Variants in CNTNAP2 observed in about 807,000 individuals in gnomAD.
CNTNAP2 encodes contactin associated protein 2, also known as contactin-associated protein-like 2.
In CNTNAP2, 98 loss-of-function variants were observed where a neutral mutation model predicts 155.2. The ratio of observed to expected loss-of-function variants is 0.63; its 90% CI spans 0.54 to 0.75. CNTNAP2 has a LOEUF of 0.75. Among genes scored for constraint, CNTNAP2 ranks in the 30% least tolerant of loss-of-function variants. CNTNAP2 has a pLI of 0.00. For synonymous variants in CNTNAP2, 651 were observed against 631.2 expected (o/e 1.03, Z -0.47); for missense variants, 1,727 against 1,688.1 (o/e 1.02, Z -0.40).
intron 10 of CNTNAP2, among the ~76,000 whole-genome samples, chr7:147,407,820 G>T (rs2116481264): frequency 6.6e-6 from 1 of 152,292 alleles, no homozygotes; most frequent in Admixed American, 6.5e-5. Context: ...CCGCATAAAA[G>T]AAGTAGGTTG....
intron 2 of CNTNAP2, among the ~76,000 whole-genome samples, chr7:146,820,411 A>C (rs1406527528): frequency 6.6e-6 from 1 of 152,212 alleles, no homozygotes; most frequent in Non-Finnish European, 1.5e-5. Context: ...AATGGAAAAA[A>C]TAGACAAAAC....
chr7:147,301,616 G>A, intron 9 of CNTNAP2, among the ~76,000 whole-genome samples: 1 of 140,276 alleles, frequency 7.1e-6, no homozygotes, highest in South Asian at 2.4e-4. Context: ...GTGTGTGTGT[G>A]TGTGTGTGTG....
chr7:146,751,515 T>A (rs2129182581), intron 1 of CNTNAP2, among the ~76,000 whole-genome samples: 1 of 152,260 alleles, frequency 6.6e-6, no homozygotes, highest in African/African-American at 2.4e-5. Flanking sequence ...GATTCCTAAG[T>A]TTTTCCCAAG....
At position 147,900,437 on chromosome 7, in the gene CNTNAP2, G is replaced by C. The variant is rs996653575; in HGVS notation, c.2099-3128G>C. Among the ~76,000 whole-genome samples the C allele has an allele frequency of 2.0e-5, 3 of 152,044 alleles. No homozygotes were observed. In the East Asian group the frequency reaches 5.8e-4, roughly 29 times the overall value. On this transcript the variant is annotated intron_variant, in intron 13 of 23. Transcript: ENST00000361727. ...CTCTCTCCTGCCCCCATGAGAAGACGTGCCTTGCTTACCCTTCTTCGTCTG... is the reference window on the plus strand; with the variant it reads ...CTCTCTCCTGCCCCCATGAGAAGACCTGCCTTGCTTACCCTTCTTCGTCTG...
intron 17 of CNTNAP2, among the ~76,000 whole-genome samples, chr7:148,156,339 G>A (rs1805397249): frequency 6.6e-6 from 1 of 152,168 alleles, no homozygotes; most frequent in South Asian, 2.1e-4. Context: ...TCGGGGCTTT[G>A]CAGACTCTCT....
chr7:148,346,561 C>T (rs2116589961), intron 21 of CNTNAP2, among the ~76,000 whole-genome samples: 1 of 151,866 alleles, frequency 6.6e-6, no homozygotes, highest in Admixed American at 6.5e-5. Flanking sequence ...CACCTGAGGT[C>T]AGGAGTTCGA....
chr7:146,159,654 T>G (rs2116795138), intron 1 of CNTNAP2, among the ~76,000 whole-genome samples: 1 of 152,288 alleles, frequency 6.6e-6, no homozygotes, highest in Admixed American at 6.5e-5. Flanking sequence ...AGGCCATTAA[T>G]AATGGTAAAG....
chr7:146,564,384 G>A (rs1935103488), intron 1 of CNTNAP2, among the ~76,000 whole-genome samples: 1 of 151,642 alleles, frequency 6.6e-6, no homozygotes, highest in South Asian at 2.1e-4. Context: ...CTATATCTCT[G>A]TCGGTTGAGT....
At chr7:147,398,589 C>CTTTTTTTTTTTTTTTT (rs58507416) in intron 10 of CNTNAP2, among the ~76,000 whole-genome samples, 2 of 87,734 alleles carry the variant, frequency 2.3e-5, no homozygotes, top group Non-Finnish European at 4.3e-5. Context: ...ACGATTTGAA[C>CTTTTTTTTTTTTTTTT]TTTTTTTTTT....
intron 3 of CNTNAP2, among the ~76,000 whole-genome samples, chr7:146,898,749 T>C (rs977200218): frequency 1.6e-4 from 24 of 152,226 alleles, no homozygotes; most frequent in African/African-American, 5.5e-4. Context: ...GATACTCAAT[T>C]TGTGACTTGT....
chr7:147,590,962 G>A (rs1186319586), intron 12 of CNTNAP2, among the ~76,000 whole-genome samples: 2 of 152,148 alleles, frequency 1.3e-5, no homozygotes, highest in Non-Finnish European at 2.9e-5. Context: ...ATAGCATGCT[G>A]ATATCTCTTC....
In CNTNAP2 at chr7:146,116,828, T is replaced by C; in HGVS notation, c.-49T>C. On this transcript the variant is annotated 5_prime_UTR_variant, in exon 1 of 24. Coordinates refer to ENST00000361727, the MANE Select transcript of CNTNAP2 (RefSeq NM_014141.6). This position sits in a 1 kb window ranked among gnomAD's most constrained non-coding sequence, Gnocchi z 5.5. Reference sequence around the variant, plus strand: ...TCAAGAACCCTACGGAGAGTCGGACTGCATCTCCGCAGCGAGCTCTTGGAG... The same window carrying C: ...TCAAGAACCCTACGGAGAGTCGGACCGCATCTCCGCAGCGAGCTCTTGGAG... The C allele has an allele frequency of 7.0e-7, 1 of 1,432,830 alleles. No individual in the cohort carries two copies. Among genetic ancestry groups the C allele is most frequent in the South Asian group, 1.2e-5 (1 of 81,276 alleles). The allele number at this position is 1,432,830 out of a possible 1,614,324, so 88.8% of individuals were successfully genotyped here.
intron 3 of CNTNAP2, among the ~76,000 whole-genome samples, chr7:146,858,339 A>C (rs1008709855): frequency 2.0e-5 from 3 of 152,210 alleles, no homozygotes; most frequent in African/African-American, 7.2e-5. Context: ...GCTTGCACTA[A>C]ATGTTGTCTA....
At chr7:147,154,797 A>G (rs767897415) in intron 8 of CNTNAP2, among the ~76,000 whole-genome samples, 10 of 152,164 alleles carry the variant, frequency 6.6e-5, no homozygotes, top group Non-Finnish European at 1.5e-4. Context: ...AATGTTTAAA[A>G]TACTTGAAGT....
At chr7:147,553,027 C>T (rs769494193) in intron 11 of CNTNAP2, among the ~76,000 whole-genome samples, 6 of 152,094 alleles carry the variant, frequency 3.9e-5, no homozygotes, top group Non-Finnish European at 5.9e-5. Flanking sequence ...AGGAGTCAGC[C>T]AACAATGACA....
chr7:147,352,265 A>C (rs1795980049), intron 9 of CNTNAP2, among the ~76,000 whole-genome samples: 1 of 152,002 alleles, frequency 6.6e-6, no homozygotes, highest in Non-Finnish European at 1.5e-5. Context: ...TAATGTAACA[A>C]ATAGAAATAA....
chr7:147,980,399 A>G (rs1801501000), intron 15 of CNTNAP2, among the ~76,000 whole-genome samples: 1 of 152,224 alleles, frequency 6.6e-6, no homozygotes, highest in African/African-American at 2.4e-5. Flanking sequence ...ACATGATCTC[A>G]GTATACTTAT....
At chr7:148,076,859 G>A (rs80082631) in intron 15 of CNTNAP2, among the ~76,000 whole-genome samples, 6,099 of 152,194 alleles carry the variant, frequency 0.04, 159 homozygotes, top group Non-Finnish European at 0.056. Context: ...GTGAATGTTA[G>A]CAATCTATTT....
intron 10 of CNTNAP2, among the ~76,000 whole-genome samples, chr7:147,448,995 A>G (rs1409574713): frequency 7.0e-6 from 1 of 143,822 alleles, no homozygotes. Context: ...TCATGAAAAC[A>G]CTAATATTTT....
Sources: allele counts gnomAD v4.1 joint callset (sites outside exome capture counted in the v4.1 genomes callset), GRCh38; gene constraint gnomAD v4.1.1; non-coding constraint Gnocchi (gnomAD v3.1); transcripts MANE v1.5; gene names NCBI Gene and HGNC (gene_info 2026-07-23, HGNC 2026-07-21).